Variants in TBL1X observed in about 807,000 individuals in gnomAD.
The protein encoded by TBL1X is F-box-like/WD repeat-containing protein TBL1X.
Under a neutral mutation model 50.7 loss-of-function variants are expected in TBL1X, and 10 were observed. The observed-to-expected ratio is 0.20, with a 90% CI of 0.12 to 0.33. The LOEUF (loss-of-function observed/expected upper bound fraction) is 0.33, where lower values mean the gene tolerates loss of function less well. TBL1X is among the 10% of genes least tolerant of loss of function. The pLI, the probability that TBL1X is intolerant of heterozygous loss-of-function variation, is 1.00. For synonymous variants in TBL1X, 190 were observed against 214.7 expected, an observed-to-expected ratio of 0.88 and a Z score of 1.01; for missense variants, 340 against 504.4, an observed-to-expected ratio of 0.67 and a Z score of 3.12.
chrX:9,666,867 C>T lies in TBL1X; in HGVS notation c.211+12545C>T, dbSNP rs193283676. ...GTAATATACTGGAGAAACAATTTTA[C>T]TTATAAGGTATACAAGGAAAATAGA... On this transcript the variant is annotated intron_variant, in intron 5 of 17. Transcript: ENST00000645353. 8.9e-3 allele frequency among the ~76,000 whole-genome samples: 997 copies of T among 111,844 alleles called. 6 individuals are homozygous for T. Among genetic ancestry groups the T allele is most frequent in the Non-Finnish European group, 0.014 (734 of 53,161 alleles).
intron 2 of TBL1X, among the ~76,000 whole-genome samples, chrX:9,631,530 T>C (rs2082721603): frequency 1.8e-5 from 2 of 112,427 alleles, no homozygotes; most frequent in African/African-American, 6.5e-5. Context: ...GTTGCTCTAG[T>C]GTTGACAATT....
intron 2 of TBL1X, among the ~76,000 whole-genome samples, chrX:9,577,653 A>G (rs1021191461): frequency 3.6e-5 from 4 of 111,953 alleles, no homozygotes; most frequent in Admixed American, 9.4e-5. Flanking sequence ...ATCTAGCCCC[A>G]TATGCGCCAC....
chrX:9,519,859 A>C (rs2082098717), intron 2 of TBL1X, among the ~76,000 whole-genome samples: 1 of 112,306 alleles, frequency 8.9e-6, no homozygotes, highest in South Asian at 3.7e-4. Flanking sequence ...ATGATTTTTC[A>C]TGCTAACCTA....
chrX:9,665,539 A>ATATATATATATATATATAT (rs3043954), intron 5 of TBL1X, among the ~76,000 whole-genome samples: 22 of 62,893 alleles, frequency 3.5e-4, no homozygotes, highest in South Asian at 9.5e-4. Context: ...ATATATATAT[A>ATATATATATATATATATAT]AAAGGCCTTG....
At chrX:9,484,580 A>C (rs2081900976) in intron 1 of TBL1X, among the ~76,000 whole-genome samples, 1 of 111,137 alleles carries the variant, frequency 9.0e-6, no homozygotes, top group African/African-American at 3.3e-5. Flanking sequence ...GTTGTTGCAC[A>C]TGTCACTAAC....
chrX:9,713,421 C>T (rs866236665), intron 16 of TBL1X, among the ~76,000 whole-genome samples: 3 of 87,569 alleles, frequency 3.4e-5, no homozygotes, highest in African/African-American at 4.6e-5. Flanking sequence ...ATCCTTAGGA[C>T]TTTTCTTTTT....
chrX:9,681,810 C>T (rs1229765688), intron 5 of TBL1X, among the ~76,000 whole-genome samples: 4 of 112,776 alleles, frequency 3.5e-5, no homozygotes, highest in Non-Finnish European at 7.5e-5. Context: ...AGCCCCACCC[C>T]TACAAACTGA....
intron 2 of TBL1X, among the ~76,000 whole-genome samples, chrX:9,574,471 A>AT (rs1164793113): frequency 1.9e-5 from 2 of 106,203 alleles, no homozygotes; most frequent in African/African-American, 6.9e-5. Context: ...AAAAAAAAAA[A>AT]AAAAAAAAAA....
intron 2 of TBL1X, among the ~76,000 whole-genome samples, chrX:9,591,375 G>T (rs2146539754): frequency 8.9e-6 from 1 of 112,157 alleles, no homozygotes; most frequent in South Asian, 3.7e-4. Flanking sequence ...TCTTCTCTCA[G>T]ACGCCTTGCT....
intron 2 of TBL1X, among the ~76,000 whole-genome samples, chrX:9,581,197 C>T (rs1432235483): frequency 1.8e-5 from 2 of 112,476 alleles, no homozygotes; most frequent in Non-Finnish European, 3.8e-5. Flanking sequence ...AACCCTTTCA[C>T]GTGCAGCCCG....
At chrX:9,676,183 C>A (rs2082992969) in intron 5 of TBL1X, among the ~76,000 whole-genome samples, 1 of 112,401 alleles carries the variant, frequency 8.9e-6, no homozygotes, top group South Asian at 3.7e-4. Context: ...CTGGAGACCA[C>A]ACTGTAGGGC....
chrX:9,652,010 C>A (rs952232086), intron 3 of TBL1X, among the ~76,000 whole-genome samples: 1 of 112,048 alleles, frequency 8.9e-6, no homozygotes, highest in Admixed American at 9.5e-5. Flanking sequence ...CACAGCACAG[C>A]TGGGGCCAGT....
chrX:9,463,914 A>AAC (rs1220869127), upstream of TBL1X, among the ~76,000 whole-genome samples: 1 of 111,054 alleles, frequency 9.0e-6, no homozygotes, highest in East Asian at 2.8e-4. Flanking sequence ...CAAAAACAAA[A>AAC]AAACAAAAAC....
intron 2 of TBL1X, among the ~76,000 whole-genome samples, chrX:9,633,192 A>G (rs1350562696): frequency 8.9e-6 from 1 of 112,194 alleles, no homozygotes; most frequent in Non-Finnish European, 1.9e-5. Context: ...ATTAAAGGTT[A>G]GGCCTAAGGA....
chrX:9,597,441 C>G (rs912016044), intron 2 of TBL1X, among the ~76,000 whole-genome samples: 1 of 111,591 alleles, frequency 9.0e-6, no homozygotes. Context: ...CTGCAGAAGT[C>G]TTTACCTTTC....
At chrX:9,571,891 C>A (rs2082388353) in intron 2 of TBL1X, among the ~76,000 whole-genome samples, 1 of 112,583 alleles carries the variant, frequency 8.9e-6, no homozygotes, top group Non-Finnish European at 1.9e-5. Context: ...CAAGATTCAT[C>A]TGTATTGTAG....
intron 2 of TBL1X, among the ~76,000 whole-genome samples, chrX:9,556,532 G>A (rs987851433): frequency 1.2e-4 from 13 of 109,136 alleles, no homozygotes; most frequent in African/African-American, 3.3e-4. Flanking sequence ...GTCCACACCT[G>A]TAGTCCCAGC....
At position 9,718,783 on chromosome X, in the gene TBL1X, G is replaced by A. The variant is rs1364983702; in HGVS notation, c.*2537G>A. On this transcript the variant is annotated 3_prime_UTR_variant, in exon 18 of 18. Coordinates refer to ENST00000645353, the MANE Select transcript of TBL1X (RefSeq NM_005647.4). The stretch of plus-strand genomic sequence containing the variant: ...GGATGGCTTTAGTCTTGATGAATGT[G>A]AACCATGTCGGAATTGTTAGGTAGA... 8.9e-6 allele frequency: 1 copy of A among 112,010 alleles called. No homozygotes were observed. Among genetic ancestry groups the A allele is most frequent in the Non-Finnish European group, 1.9e-5 (1 of 53,185 alleles). The allele number at this position is 112,010 out of a possible 1,213,427, so 9.2% of individuals were successfully genotyped here.
chrX:9,583,505 T>G (rs1223924349), intron 2 of TBL1X, among the ~76,000 whole-genome samples: 1 of 111,538 alleles, frequency 9.0e-6, no homozygotes, highest in Non-Finnish European at 1.9e-5. Flanking sequence ...AGGGTTTTCT[T>G]AAGATTATGA....
Sources: gnomAD v4.1 joint callset for allele counts (sites outside exome capture counted in the v4.1 genomes callset) on GRCh38, gnomAD v4.1.1 for gene constraint, MANE v1.5 for transcripts, NCBI Gene and HGNC (gene_info 2026-07-23, HGNC 2026-07-21) for gene names.